Variants in PRRG4 observed in about 807,000 individuals in gnomAD.
PRRG4 encodes the protein transmembrane gamma-carboxyglutamic acid protein 4.
In PRRG4, 12 loss-of-function variants were observed where a neutral mutation model predicts 20.0. The observed-to-expected ratio is 0.60, with a 90% CI of 0.38 to 0.97. The LOEUF is 0.97. PRRG4 is among the 50% of genes least tolerant of loss of function. PRRG4 has a pLI of 0.00. For synonymous variants in PRRG4, 94 were observed against 96.4 expected (o/e 0.98, Z 0.15); for missense variants, 199 against 265.1 (o/e 0.75, Z 1.73).
intron 5 of PRRG4, among the ~76,000 whole-genome samples, chr11:32,842,877 A>T (rs1851091362): frequency 6.6e-6 from 1 of 152,092 alleles, no homozygotes; most frequent in South Asian, 2.1e-4. Flanking sequence ...TTAGAGATGG[A>T]GTCTTGCTCT....
At chr11:32,852,241 T>C (rs1229168140) in intron 5 of PRRG4, among the ~76,000 whole-genome samples, 1 of 152,070 alleles carries the variant, frequency 6.6e-6, no homozygotes, top group African/African-American at 2.4e-5. Flanking sequence ...GAAGCTGCCT[T>C]GGTAGAGCAG....
rs969972417 is a variant in PRRG4 at position 32,837,814 on chromosome 11, T to A, written c.267+993T>A. Among the ~76,000 whole-genome samples the A allele has an allele frequency of 2.0e-5, 3 of 152,044 alleles. No individual in the cohort carries two copies. In the South Asian group the frequency reaches 6.2e-4, roughly 32 times the overall value. ...CTCAGGCAGTCCATCTCCATCGGCC[T>A]AACAAAGTGCTAGGATTACAGGCAT... On this transcript the variant is annotated intron_variant, in intron 3 of 5. Transcript: ENST00000257836.
intron 5 of PRRG4, among the ~76,000 whole-genome samples, chr11:32,851,568 G>T (rs565524344): frequency 1.3e-5 from 2 of 151,916 alleles, no homozygotes; most frequent in South Asian, 2.1e-4. Flanking sequence ...CTTCTTTCTC[G>T]CAATTTTTCT....
At chr11:32,835,039 C>A (rs2133438748) in intron 2 of PRRG4, among the ~76,000 whole-genome samples, 1 of 152,248 alleles carries the variant, frequency 6.6e-6, no homozygotes, top group Non-Finnish European at 1.5e-5. Flanking sequence ...GTCTCCAACT[C>A]CTAGGCTCAA....
intron 2 of PRRG4, among the ~76,000 whole-genome samples, chr11:32,834,284 G>A (rs192015185): frequency 2.6e-5 from 4 of 152,194 alleles, no homozygotes. Flanking sequence ...ACCCATGGAA[G>A]ACCATTGTAG....
chr11:32,836,759 T>C lies in PRRG4; in HGVS notation c.205T>C (p.Cys69Arg). 1 of 1,613,454 alleles carries C rather than the reference T, an allele frequency of 6.2e-7. No individual in the cohort carries two copies. Among genetic ancestry groups the C allele is most frequent in the Middle Eastern group, 1.7e-4 (1 of 6,058 alleles). The change falls in exon 3 of 6, where the codon TGC (cysteine) becomes CGC (arginine). Residue 69 changes from cysteine to arginine, a missense_variant. Transcript: ENST00000257836. ...CACTCCCGGCAACCTAGAAAGAGAG[T>C]GCAATGAAGAACTTTGCAATTATGA... ...LFTPGNLERE[C>R]NEELCNYEEA...
chr11:32,857,936 A>G lies in PRRG4; in HGVS notation c.*4409A>G, dbSNP rs1322419010. Reference sequence around the variant, plus strand: ...TCCAACTTTTTTTGTTTTTTGAAAAATGTTTCTCTAACACCTCAACAGTTT... The same window carrying G: ...TCCAACTTTTTTTGTTTTTTGAAAAGTGTTTCTCTAACACCTCAACAGTTT... On this transcript the variant is annotated 3_prime_UTR_variant, in exon 6 of 6. Transcript: ENST00000257836. The G allele has an allele frequency of 3.3e-5, 5 of 152,094 alleles. No homozygotes were observed. Among genetic ancestry groups the G allele is most frequent in the African/African-American group, 1.2e-4 (5 of 41,420 alleles). 9.4% of individuals were successfully genotyped at this position (152,094 alleles called of 1,614,324 possible).
intron 5 of PRRG4, among the ~76,000 whole-genome samples, chr11:32,848,402 A>G (rs562939863): frequency 6.6e-6 from 1 of 152,228 alleles, no homozygotes; most frequent in African/African-American, 2.4e-5. Flanking sequence ...TTCAAATCAT[A>G]GCAAGGGGAA....
In PRRG4 at chr11:32,840,076, T is replaced by C; in HGVS notation, c.317-31T>C. On this transcript the variant is annotated intron_variant, in intron 4 of 5. Coordinates refer to ENST00000257836, the MANE Select transcript of PRRG4 (RefSeq NM_024081.6). This position sits in a 1 kb window ranked among gnomAD's most constrained non-coding sequence, Gnocchi z 4.1. ...CATAGGTGATGCTATATAGTTGTTA[T>C]ATTTATGTTATTTTAATGATTTATT... The C allele has an allele frequency of 3.3e-6, 5 of 1,507,718 alleles. No homozygotes were observed. Among genetic ancestry groups the C allele is most frequent in the Admixed American group, 1.7e-5 (1 of 59,362 alleles). The allele number at this position is 1,507,718 out of a possible 1,614,324, so 93.4% of individuals were successfully genotyped here. A position where few individuals can be genotyped will look rare whatever the true frequency, so the allele number is the denominator to read the frequency against.
In PRRG4 at chr11:32,854,885, T is replaced by G. The variant is rs1285904761; in HGVS notation, c.*1358T>G. The G allele has an allele frequency of 6.6e-6, 1 of 152,190 alleles. No individual in the cohort carries two copies. The highest frequency in any genetic ancestry group is 1.5e-5 in the Non-Finnish European group (1 of 68,032). 9.4% of individuals were successfully genotyped at this position (152,190 alleles called of 1,614,324 possible). ...TGCAATGAAAAGGATTTGCAAGGGT[T>G]GTTATGCTATCAAATAAACAGACCT... is the stretch of plus-strand genomic sequence containing the variant. On this transcript the variant is annotated 3_prime_UTR_variant, in exon 6 of 6. Transcript: ENST00000257836.
chr11:32,832,734 C>T (rs1399933869), intron 2 of PRRG4, among the ~76,000 whole-genome samples: 3 of 152,178 alleles, frequency 2.0e-5, no homozygotes, highest in Admixed American at 6.5e-5. Context: ...CCTCCCACCT[C>T]GGCCTCCCGA....
intron 2 of PRRG4, among the ~76,000 whole-genome samples, chr11:32,836,104 A>AAATAAT (rs562216968): frequency 6.6e-6 from 1 of 151,812 alleles, no homozygotes; most frequent in Non-Finnish European, 1.5e-5. Flanking sequence ...CCCCTCTCAA[A>AAATAAT]AATAATAATA....
intron 2 of PRRG4, 132 bp downstream of exon 2, chr11:32,830,764 T>C (rs1850963378): frequency 4.2e-6 from 6 of 1,423,166 alleles, no homozygotes; most frequent in Non-Finnish European, 5.7e-6. Flanking sequence ...ATTTGTGGCA[T>C]ATTTGGCAAG....
Position 32,830,618 on chromosome 11 carries a change from A to G in PRRG4, c.89A>G (p.His30Arg). The change falls in exon 2 of 6, where the codon CAT becomes CGT. Residue 30 changes from histidine (H) to arginine (R), a missense_variant. Transcript: ENST00000257836. ...HCARGPKASK[H>R]AGEEVFTSKE... Reference sequence around the variant, plus strand: ...GCAAGAGGTCCAAAGGCTTCTAAGCATGCGGGAGAAGAAGGTAAGCACTAA... The same window carrying G: ...GCAAGAGGTCCAAAGGCTTCTAAGCGTGCGGGAGAAGAAGGTAAGCACTAA... 1 of 1,613,952 alleles carries G rather than the reference A, an allele frequency of 6.2e-7. No homozygotes were observed. The highest frequency in any genetic ancestry group is 2.2e-5 in the East Asian group (1 of 44,890).
intron 2 of PRRG4, among the ~76,000 whole-genome samples, chr11:32,832,207 T>C (rs1850979008): frequency 6.6e-6 from 1 of 152,104 alleles, no homozygotes; most frequent in Non-Finnish European, 1.5e-5. Context: ...CCGTGCTGTG[T>C]GGTGGAGACA....
intron 2 of PRRG4, among the ~76,000 whole-genome samples, chr11:32,831,462 T>C (rs1850970576): frequency 6.6e-6 from 1 of 152,162 alleles, no homozygotes; most frequent in Non-Finnish European, 1.5e-5. Flanking sequence ...ACTTTATTAA[T>C]GATTAATACA....
At chr11:32,852,930 G>A (rs1308527569) in intron 5 of PRRG4, among the ~76,000 whole-genome samples, 1 of 143,418 alleles carries the variant, frequency 7.0e-6, no homozygotes, top group Non-Finnish European at 1.5e-5. Flanking sequence ...CCGCCACCAT[G>A]CCCGGCTAAT....
At chr11:32,836,259 G>A (rs959848896) in intron 2 of PRRG4, among the ~76,000 whole-genome samples, 3 of 152,106 alleles carry the variant, frequency 2.0e-5, no homozygotes, top group Admixed American at 1.3e-4. Flanking sequence ...ACAAAAAGCT[G>A]TCTTCTAACT....
chr11:32,837,485 C>A (rs1283200257), intron 3 of PRRG4, among the ~76,000 whole-genome samples: 1 of 150,012 alleles, frequency 6.7e-6, no homozygotes, highest in Non-Finnish European at 1.5e-5. Context: ...CTGGCATAGT[C>A]TTGAAAAATG....
Sources: gnomAD v4.1 joint callset for allele counts (sites outside exome capture counted in the v4.1 genomes callset) on GRCh38, gnomAD v4.1.1 for gene constraint, Gnocchi (gnomAD v3.1) non-coding constraint, MANE v1.5 for transcripts, NCBI Gene and HGNC (gene_info 2026-07-23, HGNC 2026-07-21) for gene names.